The following ZNF724 variants were observed in gnomAD, a reference collection of about 807,000 sequenced individuals.
The protein encoded by ZNF724 is zinc finger protein 724, also known as zinc finger protein 724 pseudogene.
A neutral mutation model predicts 29.3 loss-of-function variants in ZNF724; 14 were observed. The observed-to-expected ratio is 0.48, with a 90% CI of 0.32 to 0.75. The LOEUF is 0.75. Among genes scored for constraint, ZNF724 ranks in the 30% least tolerant of loss-of-function variants. The pLI, the probability that ZNF724 is intolerant of heterozygous loss-of-function variation, is 0.04. For synonymous variants in ZNF724, 180 were observed against 193.6 expected (o/e 0.93, Z 0.58); for missense variants, 557 against 571.2 (o/e 0.98, Z 0.25).
rs1972291543 is a variant in ZNF724 at position 23,248,816 on chromosome 19, GA to G, written c.3+1423del. On this transcript the variant is annotated intron_variant, in intron 1 of 3. Coordinates refer to ENST00000418100, the MANE Select transcript of ZNF724 (RefSeq NM_001355404.2). ...TCGAGACCAGCCTGGCCAACATACT[GA>G]AACTCTGTCTCTACTAAAAATACAA... Among the ~76,000 whole-genome samples the G allele has an allele frequency of 3.3e-5, 5 of 152,066 alleles. No individual in the cohort carries two copies. In the South Asian group the frequency reaches 1.0e-3, roughly 32 times the overall value.
At chr19:23,236,270 A>G (rs1047349475) in intron 1 of ZNF724, 6 of 152,242 alleles carry the variant, frequency 3.9e-5, no homozygotes, top group Middle Eastern at 3.4e-3. Context: ...ACGAACCCCA[A>G]CTGCCAGAGC....
At chr19:23,237,269 A>G (rs1972036354) in intron 1 of ZNF724, among the ~76,000 whole-genome samples, 1 of 152,178 alleles carries the variant, frequency 6.6e-6, no homozygotes, top group African/African-American at 2.4e-5. Context: ...TGGTCACATC[A>G]CCCATCACAT....
chr19:23,227,555 C>CAAAAAAAAAAAA (rs1370441801), intron 3 of ZNF724, among the ~76,000 whole-genome samples: 28 of 75,970 alleles, frequency 3.7e-4, no homozygotes, highest in East Asian at 1.1e-3. Context: ...GGCTCCATCT[C>CAAAAAAAAAAAA]AAAAAAAAAA....
rs979946196 is a variant in ZNF724 at position 23,236,511 on chromosome 19, C to T, written c.4-4218G>A. On this transcript the variant is annotated intron_variant, in intron 1 of 3. Coordinates refer to ENST00000418100, the MANE Select transcript of ZNF724 (RefSeq NM_001355404.2). The stretch of plus-strand genomic sequence containing the variant: ...ATGACACCATGGGATAGTAATAGAG[C>T]TTCTGAAACAGACACCCAAAGCATT... 6 of 153,684 alleles carry T rather than the reference C, an allele frequency of 3.9e-5. 1 individual carries two copies. Among genetic ancestry groups the T allele is most frequent in the South Asian group, 4.1e-4 (2 of 4,838 alleles). The allele number at this position is 153,684 out of a possible 1,614,324, so 9.5% of individuals were successfully genotyped here.
chr19:23,238,146 A>G (rs980501691), intron 1 of ZNF724, among the ~76,000 whole-genome samples: 3 of 152,172 alleles, frequency 2.0e-5, no homozygotes, highest in African/African-American at 7.2e-5. Flanking sequence ...TGGGCGGATC[A>G]CGAGGTCAGG....
Position 23,222,370 on chromosome 19 carries a change from C to G in ZNF724, c.*15G>C, listed in dbSNP as rs762327090. On this transcript the variant is annotated 3_prime_UTR_variant, in exon 4 of 4. Transcript: ENST00000418100. ...GGGATTACAGGTGTGAGCCACCACG[C>G]CTGGTCCATTTTTCTTATTTGTCAG... 1 of 994,874 alleles carries G rather than the reference C, an allele frequency of 1.0e-6. No homozygotes were observed. Among genetic ancestry groups the G allele is most frequent in the Non-Finnish European group, 1.5e-6 (1 of 648,896 alleles). The allele number at this position is 994,874 out of a possible 1,614,324, so 61.6% of individuals were successfully genotyped here.
intron 1 of ZNF724, among the ~76,000 whole-genome samples, chr19:23,232,823 C>CT (rs1971960598): frequency 6.6e-6 from 1 of 151,404 alleles, no homozygotes; most frequent in Non-Finnish European, 1.5e-5. Flanking sequence ...TGTTTTTCCC[C>CT]CCAGTTTTTA....
In ZNF724 at chr19:23,231,300, A is replaced by G. The variant is rs769308838; in HGVS notation, c.192T>C (p.Asn64=). 42 of 1,383,094 alleles carry G rather than the reference A, an allele frequency of 3.0e-5. No homozygotes were observed. Among genetic ancestry groups the G allele is most frequent in the Non-Finnish European group, 2.9e-5 (28 of 972,380 alleles). 85.7% of individuals were successfully genotyped at this position (1,383,094 alleles called of 1,614,324 possible). ...TCLEQGKEPW[N]MERHEMVAKP... ...TGGCCACCATCTCATGTCTCTCCAT[A>G]TTCCAGGGCTCTTTGCCTTGCTCCA... is the stretch of plus-strand genomic sequence containing the variant. The change falls in exon 3 of 4, where the codon AAT becomes AAC. Residue 64 remains asparagine (N), a synonymous_variant. Coordinates refer to ENST00000418100, the MANE Select transcript of ZNF724 (RefSeq NM_001355404.2).
At chr19:23,236,845 C>G (rs1972028867) in intron 1 of ZNF724, 1 of 151,972 alleles carries the variant, frequency 6.6e-6, no homozygotes, top group Non-Finnish European at 1.5e-5. Flanking sequence ...TTTCCAACAG[C>G]TCCTTTTTAT....
chr19:23,238,084 C>G (rs529343613), intron 1 of ZNF724, among the ~76,000 whole-genome samples: 2 of 152,184 alleles, frequency 1.3e-5, no homozygotes, highest in African/African-American at 4.8e-5. Flanking sequence ...CTGAAAACAA[C>G]AACAACAACA....
At position 23,223,475 on chromosome 19, in the gene ZNF724, TC is replaced by T; in HGVS notation, c.769del (p.Glu257LysfsTer18). The stretch of plus-strand genomic sequence containing the variant: ...TATGTTAAAAGCTTTTCCACATTCT[TC>T]ACGTTTGTAGGATTTCTCTCCAGTA... ...IHTGEKSYKR[E>X]ECGKAFNISS... On this transcript the variant is annotated frameshift_variant, in exon 4 of 4. Transcript: ENST00000418100. LOFTEE classifies it low-confidence loss of function (END_TRUNC). The T allele has an allele frequency of 1.3e-6, 1 of 758,076 alleles. No homozygotes were observed. The allele number at this position is 758,076 out of a possible 1,614,324, so 47.0% of individuals were successfully genotyped here. A position where few individuals can be genotyped will look rare whatever the true frequency, so the allele number is the denominator to read the frequency against.
chr19:23,249,183 C>T (rs1198084049), intron 1 of ZNF724, among the ~76,000 whole-genome samples: 1 of 151,684 alleles, frequency 6.6e-6, no homozygotes, highest in African/African-American at 2.4e-5. Context: ...CATAGGGGTG[C>T]TCTAAAATTT....
chr19:23,245,563 A>T (rs1290911535), intron 1 of ZNF724, among the ~76,000 whole-genome samples: 1 of 152,044 alleles, frequency 6.6e-6, no homozygotes, highest in Non-Finnish European at 1.5e-5. Context: ...CAGTGAGCAG[A>T]GATCGCGCCA....
intron 1 of ZNF724, among the ~76,000 whole-genome samples, chr19:23,243,559 T>C (rs1265789464): frequency 7.1e-6 from 1 of 141,736 alleles, no homozygotes; most frequent in Non-Finnish European, 1.5e-5. Flanking sequence ...AAGTAAGAGC[T>C]AAATAATAAG....
chr19:23,241,106 G>A (rs2145790085), intron 1 of ZNF724, among the ~76,000 whole-genome samples: 1 of 151,356 alleles, frequency 6.6e-6, no homozygotes, highest in Admixed American at 6.6e-5. Flanking sequence ...AATACAAATA[G>A]CTATTGAAGT....
intron 1 of ZNF724, among the ~76,000 whole-genome samples, chr19:23,245,160 T>A (rs1405210314): frequency 6.6e-6 from 1 of 152,246 alleles, no homozygotes; most frequent in Non-Finnish European, 1.5e-5. Flanking sequence ...GCCCATTTTC[T>A]TCTTATTCTC....
At position 23,223,341 on chromosome 19, in the gene ZNF724, T is replaced by C; in HGVS notation, c.904A>G (p.Ile302Val). 1.3e-6 allele frequency: 1 copy of C among 769,384 alleles called. No homozygotes were observed. The highest frequency in any genetic ancestry group is 1.4e-5 in the South Asian group (1 of 73,434). 47.7% of individuals were successfully genotyped at this position (769,384 alleles called of 1,614,324 possible). The change falls in exon 4 of 4, where the codon ATA becomes GTA. Residue 302 changes from isoleucine (I) to valine (V), a missense_variant. By Grantham distance (29) the Ile-to-Val change is conservative. This residue lies in a region of ZNF724 where 362 missense variants were observed against 295.5 expected (regional missense o/e 1.22). Coordinates refer to ENST00000418100, the MANE Select transcript of ZNF724 (RefSeq NM_001355404.2). Reference protein sequence around the residue: ...NQSSTLTRHKIIHAGEKPYIC... With the variant: ...NQSSTLTRHKVIHAGEKPYIC... ...TAGGGCTTCTCTCCAGCATGAATTA[T>C]CTTATGTCTAGTAAGGGTTGATGAT...
chr19:23,238,071 A>G (rs1256990907), intron 1 of ZNF724, among the ~76,000 whole-genome samples: 1 of 152,156 alleles, frequency 6.6e-6, no homozygotes, highest in African/African-American at 2.4e-5. Flanking sequence ...CTACTTTAAG[A>G]GACTGAAAAC....
intron 3 of ZNF724, among the ~76,000 whole-genome samples, chr19:23,226,009 A>G (rs1257045540): frequency 2.0e-5 from 3 of 147,488 alleles, no homozygotes; most frequent in Admixed American, 6.8e-5. Flanking sequence ...ACCCCACCCC[A>G]TGCCTGGTTA....
Sources: gnomAD v4.1 joint callset for allele counts (sites outside exome capture counted in the v4.1 genomes callset) on GRCh38, gnomAD v4.1.1 for gene constraint, gnomAD v4.1.1 regional missense constraint, MANE v1.5 for transcripts, NCBI Gene and HGNC (gene_info 2026-07-23, HGNC 2026-07-21) for gene names.